The following NXPH2 variants were observed in gnomAD, a reference collection of about 807,000 sequenced individuals.
NXPH2 encodes the protein neurexophilin 2, also known as neurexophilin-2.
NXPH2 carries 5 observed loss-of-function variants against 19.8 expected under a neutral mutation model. That is an observed-to-expected ratio of 0.25 (90% CI 0.13 to 0.53). The LOEUF (loss-of-function observed/expected upper bound fraction) is 0.53, where lower values mean the gene tolerates loss of function less well. NXPH2 is among the 20% of genes least tolerant of loss of function. The pLI, the probability that NXPH2 is intolerant of heterozygous loss-of-function variation, is 0.96. For synonymous variants in NXPH2, 154 were observed against 127.4 expected (o/e 1.21, Z -1.41); for missense variants, 289 against 322.8 (o/e 0.90, Z 0.80).
At chr2:138,677,061 G>A (rs554138521) in intron 1 of NXPH2, among the ~76,000 whole-genome samples, 1 of 152,300 alleles carries the variant, frequency 6.6e-6, no homozygotes, top group South Asian at 2.1e-4. Flanking sequence ...CAATTTCTGT[G>A]ATACAACATG....
intron 1 of NXPH2, among the ~76,000 whole-genome samples, chr2:138,770,813 C>A (rs1367005669): frequency 6.6e-6 from 1 of 151,876 alleles, no homozygotes; most frequent in East Asian, 1.9e-4. Flanking sequence ...AATTTAAAGG[C>A]TGTAAAAAAC....
At position 138,704,200 on chromosome 2, in the gene NXPH2, A is replaced by C. The variant is rs1003227047; in HGVS notation, c.52-32535T>G. 4.6e-5 allele frequency among the ~76,000 whole-genome samples: 7 copies of C among 152,166 alleles called. No homozygotes were observed. In the South Asian group the frequency reaches 6.2e-4, roughly 14 times the overall value. On this transcript the variant is annotated intron_variant, in intron 1 of 1. Transcript: ENST00000272641. ...CCCGAACTATATGTCAATGTTCCTGACTAAAATGTGTCCTCAGGCTATTAA... is the reference window on the plus strand; with the variant it reads ...CCCGAACTATATGTCAATGTTCCTGCCTAAAATGTGTCCTCAGGCTATTAA...
At chr2:138,678,260 G>T (rs148655456) in intron 1 of NXPH2, among the ~76,000 whole-genome samples, 1 of 152,284 alleles carries the variant, frequency 6.6e-6, no homozygotes, top group Non-Finnish European at 1.5e-5. Flanking sequence ...GTTTTGAGGA[G>T]GAAATACACA....
chr2:138,736,921 C>G (rs1681554983), intron 1 of NXPH2, among the ~76,000 whole-genome samples: 1 of 152,204 alleles, frequency 6.6e-6, no homozygotes, highest in Non-Finnish European at 1.5e-5. Flanking sequence ...TGAAACATAA[C>G]AAGAGTCACC....
At chr2:138,749,491 A>G (rs550137240) in intron 1 of NXPH2, among the ~76,000 whole-genome samples, 1 of 152,280 alleles carries the variant, frequency 6.6e-6, no homozygotes, top group Non-Finnish European at 1.5e-5. Context: ...ACATTTTCCA[A>G]TAATGGATCC....
intron 1 of NXPH2, among the ~76,000 whole-genome samples, chr2:138,767,100 T>C (rs1158052202): frequency 6.6e-6 from 1 of 152,252 alleles, no homozygotes; most frequent in Non-Finnish European, 1.5e-5. Context: ...AGTTCATCAA[T>C]ATTTATTATA....
intron 1 of NXPH2, among the ~76,000 whole-genome samples, chr2:138,684,315 A>G (rs1237262704): frequency 6.6e-6 from 1 of 152,178 alleles, no homozygotes; most frequent in African/African-American, 2.4e-5. Context: ...AAAACAAAAC[A>G]AAAAGTCAAA....
At chr2:138,692,250 C>G (rs1341138524) in intron 1 of NXPH2, among the ~76,000 whole-genome samples, 1 of 152,098 alleles carries the variant, frequency 6.6e-6, no homozygotes, top group African/African-American at 2.4e-5. Flanking sequence ...AGACCCAATC[C>G]CTGATTTTTC....
intron 1 of NXPH2, among the ~76,000 whole-genome samples, chr2:138,711,291 C>T (rs916247302): frequency 4.6e-5 from 7 of 151,998 alleles, no homozygotes; most frequent in African/African-American, 1.5e-4. Context: ...CAGGCACCCA[C>T]CACCACGCCC....
intron 1 of NXPH2, among the ~76,000 whole-genome samples, chr2:138,673,347 A>G (rs938495092): frequency 4.6e-5 from 7 of 152,146 alleles, no homozygotes; most frequent in Non-Finnish European, 5.9e-5. Flanking sequence ...TACTGTAACT[A>G]CAGCTTTCTG....
intron 1 of NXPH2, among the ~76,000 whole-genome samples, chr2:138,711,692 C>T (rs1178708578): frequency 2.0e-5 from 3 of 152,132 alleles, no homozygotes; most frequent in Non-Finnish European, 2.9e-5. Flanking sequence ...AAGCCCAGTC[C>T]ACCTTTTCCA....
At chr2:138,776,224 A>T (rs1682260380) in intron 1 of NXPH2, among the ~76,000 whole-genome samples, 1 of 152,104 alleles carries the variant, frequency 6.6e-6, no homozygotes, top group Non-Finnish European at 1.5e-5. Context: ...TTAAGCTGAC[A>T]ATGTAAACCC....
chr2:138,747,312 G>T (rs1462211477), intron 1 of NXPH2, among the ~76,000 whole-genome samples: 1 of 152,230 alleles, frequency 6.6e-6, no homozygotes, highest in Non-Finnish European at 1.5e-5. Context: ...GCTGGTAGTT[G>T]TTGGGCGCAT....
chr2:138,686,536 GTTAT>G (rs869158976), intron 1 of NXPH2, among the ~76,000 whole-genome samples: 16 of 141,376 alleles, frequency 1.1e-4, no homozygotes, highest in African/African-American at 3.0e-4. Flanking sequence ...TGTAGAAATT[GTTAT>G]TTATTTATTT....
intron 1 of NXPH2, among the ~76,000 whole-genome samples, chr2:138,771,928 T>A (rs1275548905): frequency 6.6e-6 from 1 of 152,126 alleles, no homozygotes; most frequent in Non-Finnish European, 1.5e-5. Flanking sequence ...AAAATACATA[T>A]TTTCATTAAA....
rs542609504 is a variant in NXPH2, at chr2:138,670,933, A to G, written c.784T>C (p.Ser262Pro). 1.1e-5 allele frequency: 17 copies of G among 1,611,272 alleles called. No individual in the cohort carries two copies. The highest frequency in any genetic ancestry group is 2.2e-5 in the South Asian group (2 of 90,896). The change falls in exon 2 of 2, where the codon TCT (serine) becomes CCT (proline). Residue 262 changes from serine (S) to proline (P), a missense_variant. Physicochemically the swap from Ser to Pro is moderately conservative, Grantham distance 74. Coordinates refer to ENST00000272641, the MANE Select transcript of NXPH2 (RefSeq NM_007226.3). Reference sequence around the variant, plus strand: ...CCACAGCAGGAAGATCAGCCAGAAGATAAGTATGGGGTCTCACTATGGTAA... The same window carrying G: ...CCACAGCAGGAAGATCAGCCAGAAGGTAAGTATGGGGTCTCACTATGGTAA... Reference protein sequence around the residue: ...YNYHSETPYLSSG With the variant: ...YNYHSETPYLPSG
At chr2:138,766,358 T>C (rs1291341882) in intron 1 of NXPH2, among the ~76,000 whole-genome samples, 1 of 152,216 alleles carries the variant, frequency 6.6e-6, no homozygotes, top group African/African-American at 2.4e-5. Context: ...AAATCACCTA[T>C]GGCAGGTTTC....
intron 1 of NXPH2, among the ~76,000 whole-genome samples, chr2:138,776,007 C>A (rs1682255526): frequency 6.6e-6 from 1 of 152,034 alleles, no homozygotes; most frequent in South Asian, 2.1e-4. Flanking sequence ...GTAAAAGAGT[C>A]CACAGAATAT....
At chr2:138,677,377 T>A (rs1490049142) in intron 1 of NXPH2, among the ~76,000 whole-genome samples, 1 of 152,184 alleles carries the variant, frequency 6.6e-6, no homozygotes, top group Non-Finnish European at 1.5e-5. Flanking sequence ...CTTAAGTAAT[T>A]TATGTCTTGG....
Sources: allele counts gnomAD v4.1 joint callset (sites outside exome capture counted in the v4.1 genomes callset), GRCh38; gene constraint gnomAD v4.1.1; transcripts MANE v1.5; gene names NCBI Gene and HGNC (gene_info 2026-07-23, HGNC 2026-07-21).